Variants in SLC25A51 observed in about 807,000 individuals in gnomAD.
SLC25A51 encodes solute carrier family 25 member 51.
SLC25A51 carries 11 observed loss-of-function variants against 19.1 expected under a neutral mutation model. The ratio of observed to expected loss-of-function variants is 0.58; its 90% CI spans 0.36 to 0.96. The LOEUF (loss-of-function observed/expected upper bound fraction) is 0.96, where lower values mean the gene tolerates loss of function less well. Among genes scored for constraint, SLC25A51 ranks in the 40% least tolerant of loss-of-function variants. SLC25A51 has a pLI of 0.01. For missense variants in SLC25A51, 201 were observed against 365.4 expected, an observed-to-expected ratio of 0.55 and a Z score of 3.67; for synonymous variants, 105 against 133.6, an observed-to-expected ratio of 0.79 and a Z score of 1.47.
downstream of SLC25A51, among the ~76,000 whole-genome samples, chr9:37,883,753 T>TC: frequency 6.6e-6 from 1 of 152,380 alleles, no homozygotes; most frequent in South Asian, 2.1e-4. Context: ...TGACTCGATT[T>TC]AATAGGCCAA....
chr9:37,880,426 A>C (rs1831328198), exon 4 of SLC25A51: 2 of 152,154 alleles, frequency 1.3e-5, no homozygotes, highest in South Asian at 4.1e-4. Flanking sequence ...TCATTTGGAC[A>C]AAAAATTTCC....
Position 37,899,479 on chromosome 9 carries a change from T to C in SLC25A51, c.-43+350A>G, listed in dbSNP as rs560881567. 1.5e-3 allele frequency among the ~76,000 whole-genome samples: 234 copies of C among 152,154 alleles called. 1 individual carries two copies. Among genetic ancestry groups the C allele is most frequent in the African/African-American group, 5.1e-3 (212 of 41,518 alleles). On this transcript the variant is annotated intron_variant, in intron 2 of 2. Transcript: ENST00000242275. The stretch of plus-strand genomic sequence containing the variant: ...TCACTGCAGCCTCAAGCTCCTAGAC[T>C]TAAGCAATTCTCCCAGCTGGGACCA...
At chr9:37,885,040 T>TA (rs1831417749), downstream of SLC25A51, among the ~76,000 whole-genome samples, 1 of 152,176 alleles carries the variant, frequency 6.6e-6, no homozygotes, top group Admixed American at 6.5e-5. Context: ...CTATACCTAA[T>TA]AAGCTGTTTT....
chr9:37,879,307 C>A, downstream of SLC25A51: 1 of 216,512 alleles, frequency 4.6e-6, no homozygotes, highest in South Asian at 8.4e-5. Context: ...CTGAGGAGTT[C>A]AGGATGTGTG....
downstream of SLC25A51, among the ~76,000 whole-genome samples, chr9:37,884,796 C>T (rs528094048): frequency 1.3e-5 from 2 of 152,106 alleles, no homozygotes; most frequent in Non-Finnish European, 2.9e-5. Context: ...ACAACTATAA[C>T]AAGATTCAAG....
chr9:37,889,146 AGCC>A (rs1831525186), intron 2 of SLC25A51, among the ~76,000 whole-genome samples: 1 of 152,210 alleles, frequency 6.6e-6, no homozygotes, highest in South Asian at 2.1e-4. Flanking sequence ...AAACTTTCAG[AGCC>A]ACTAGACTAG....
intron 3 of SLC25A51, among the ~76,000 whole-genome samples, chr9:37,880,909 G>C (rs1831337478): frequency 1.3e-5 from 2 of 152,042 alleles, no homozygotes; most frequent in Admixed American, 6.6e-5. Flanking sequence ...GGCTGCTATG[G>C]GTGGGTTAAA....
intron 2 of SLC25A51, among the ~76,000 whole-genome samples, chr9:37,891,176 CACA>C (rs1831574575): frequency 1.3e-5 from 2 of 152,358 alleles, no homozygotes; most frequent in Admixed American, 1.3e-4. Flanking sequence ...AAATAATTCA[CACA>C]ACATGTACAC....
chr9:37,890,661 G>A lies in SLC25A51; in HGVS notation c.-42-2069C>T, dbSNP rs544322552. 1.4e-4 allele frequency among the ~76,000 whole-genome samples: 21 copies of A among 151,660 alleles called. No homozygotes were observed. In the South Asian group the frequency reaches 3.1e-3, roughly 23 times the overall value. On this transcript the variant is annotated intron_variant, in intron 2 of 2. Transcript: ENST00000242275. ...CAGTGAGCTGTGTTCATGTCACTGC[G>A]TTCCAGCCTGGGTGACAGAGTAATA...
intron 2 of SLC25A51, among the ~76,000 whole-genome samples, chr9:37,895,463 G>A (rs1050803962): frequency 6.6e-6 from 1 of 151,290 alleles, no homozygotes; most frequent in Non-Finnish European, 1.5e-5. Context: ...GCTTCCCAAA[G>A]TGCTGGGATT....
intron 2 of SLC25A51, among the ~76,000 whole-genome samples, chr9:37,893,651 G>A (rs1435519575): frequency 5.3e-5 from 8 of 152,136 alleles, no homozygotes; most frequent in Non-Finnish European, 7.3e-5. Flanking sequence ...AATTACTTCC[G>A]ATTTTGGCAG....
downstream of SLC25A51, chr9:37,887,603 A>G: frequency 6.6e-7 from 1 of 1,526,490 alleles, no homozygotes; most frequent in Admixed American, 2.2e-5. Flanking sequence ...GCCAAACTGC[A>G]TTCTTCTTAG....
intron 2 of SLC25A51, among the ~76,000 whole-genome samples, chr9:37,899,204 TCTGA>T (rs1462541082): frequency 3.3e-5 from 5 of 152,254 alleles, no homozygotes; most frequent in Admixed American, 2.0e-4. Context: ...TTCTATCTTT[TCTGA>T]CTTATTCATT....
chr9:37,896,285 A>G (rs181394518), intron 2 of SLC25A51, among the ~76,000 whole-genome samples: 29 of 151,978 alleles, frequency 1.9e-4, no homozygotes, highest in African/African-American at 7.0e-4. Flanking sequence ...TTCCACAAAG[A>G]GCCTGGTATT....
At chr9:37,902,016 T>C (rs1283279752) in intron 1 of SLC25A51, among the ~76,000 whole-genome samples, 4 of 152,234 alleles carry the variant, frequency 2.6e-5, no homozygotes, top group South Asian at 2.1e-4. Context: ...AATATTTAGA[T>C]TAATGTACAT....
chr9:37,890,714 A>G (rs1831564377), intron 2 of SLC25A51, among the ~76,000 whole-genome samples: 1 of 151,902 alleles, frequency 6.6e-6, no homozygotes, highest in South Asian at 2.1e-4. Context: ...AAAAGAACAT[A>G]CGATCCAACA....
chr9:37,884,435 C>T (rs920674404), downstream of SLC25A51, among the ~76,000 whole-genome samples: 26 of 152,066 alleles, frequency 1.7e-4, no homozygotes, highest in Admixed American at 3.9e-4. Context: ...AAACTGGGTT[C>T]CCAAAATGTC....
At chr9:37,885,785 T>C, downstream of SLC25A51, 1 of 1,592,920 alleles carries the variant, frequency 6.3e-7, no homozygotes, top group Non-Finnish European at 8.6e-7. Context: ...TCATGTTTAG[T>C]AAAGTGGCCA....
intron 2 of SLC25A51, among the ~76,000 whole-genome samples, chr9:37,898,497 G>A (rs1450612666): frequency 6.6e-6 from 1 of 151,788 alleles, no homozygotes; most frequent in Non-Finnish European, 1.5e-5. Flanking sequence ...GGAGGTTGCA[G>A]TGAGTTGAGA....
Sources: allele counts gnomAD v4.1 joint callset (sites outside exome capture counted in the v4.1 genomes callset), GRCh38; gene constraint gnomAD v4.1.1; transcripts MANE v1.5; gene names NCBI Gene and HGNC (gene_info 2026-07-23, HGNC 2026-07-21).